The following RERG variants were observed in gnomAD, a reference collection of about 807,000 sequenced individuals.
RERG encodes RAS like estrogen regulated growth inhibitor.
Under a neutral mutation model 23.2 loss-of-function variants are expected in RERG, and 25 were observed. That is an observed-to-expected ratio of 1.08 (90% CI 0.79 to 1.50). The LOEUF is 1.50. Among genes scored for constraint, RERG ranks in the 40% most tolerant of loss-of-function variants. The pLI, the probability that RERG is intolerant of heterozygous loss-of-function variation, is 0.00. For missense variants in RERG, 253 were observed against 250.1 expected (o/e 1.01, Z -0.08); for synonymous variants, 81 against 89.1 (o/e 0.91, Z 0.51).
intron 2 of RERG, chr12:15,154,140 G>A (rs1281535866): frequency 6.6e-6 from 1 of 152,208 alleles, no homozygotes; most frequent in Non-Finnish European, 1.5e-5. Context: ...GTAAATTTCT[G>A]TTGTTTAAGC....
At position 15,197,111 on chromosome 12, in the gene RERG, A is replaced by G. The variant is rs576881874; in HGVS notation, c.61+20318T>C. Among the ~76,000 whole-genome samples the G allele has an allele frequency of 1.2e-4, 19 of 152,282 alleles. No individual in the cohort carries two copies. In the East Asian group the frequency reaches 3.3e-3, roughly 26 times the overall value. ...ATCTGAAGCAGTATTTTATTCTCCA[A>G]ATATTTACTGAGCAACTAGAATATG... On this transcript the variant is annotated intron_variant, in intron 2 of 4. Transcript: ENST00000256953.
At chr12:15,176,382 T>C (rs1296276394) in intron 2 of RERG, among the ~76,000 whole-genome samples, 4 of 152,166 alleles carry the variant, frequency 2.6e-5, no homozygotes, top group South Asian at 2.1e-4. Context: ...GGGCTGAATC[T>C]CCCAAGTAAC....
chr12:15,207,830 C>T (rs1384937526), intron 2 of RERG, among the ~76,000 whole-genome samples: 1 of 152,084 alleles, frequency 6.6e-6, no homozygotes, highest in Admixed American at 6.6e-5. Context: ...TTATCATGCT[C>T]TACGTGACAC....
intron 3 of RERG, among the ~76,000 whole-genome samples, chr12:15,117,157 C>T (rs1427587326): frequency 1.0e-3 from 38 of 37,104 alleles, no homozygotes; most frequent in Admixed American, 4.5e-3. Context: ...TTTTTTTTTG[C>T]GAATTTCAAC....
intron 2 of RERG, chr12:15,154,195 T>C (rs1441113455): frequency 6.6e-6 from 1 of 152,226 alleles, no homozygotes; most frequent in Non-Finnish European, 1.5e-5. Context: ...AGCAAACTAG[T>C]ACAGTTATAT....
intron 1 of RERG, among the ~76,000 whole-genome samples, chr12:15,220,792 C>T (rs575055919): frequency 9.2e-5 from 14 of 152,282 alleles, no homozygotes; most frequent in South Asian, 4.1e-4. Context: ...TCAAGTTTTC[C>T]TGGTCTCATT....
chr12:15,206,566 A>G (rs1407974126), intron 2 of RERG, among the ~76,000 whole-genome samples: 2 of 152,132 alleles, frequency 1.3e-5, no homozygotes, highest in African/African-American at 4.8e-5. Context: ...AGAAATACAA[A>G]TTCTCTGGCT....
chr12:15,124,343 A>G (rs1863897444), intron 2 of RERG, among the ~76,000 whole-genome samples: 1 of 152,108 alleles, frequency 6.6e-6, no homozygotes, highest in South Asian at 2.1e-4. Flanking sequence ...ATATTTTAAA[A>G]TGAAAATTAA....
chr12:15,162,544 A>C (rs1195144406), intron 2 of RERG, among the ~76,000 whole-genome samples: 3 of 152,202 alleles, frequency 2.0e-5, no homozygotes, highest in Non-Finnish European at 4.4e-5. Context: ...CCCATTATAC[A>C]TAAGCATTAT....
At chr12:15,194,409 C>T (rs1865114296) in intron 2 of RERG, among the ~76,000 whole-genome samples, 1 of 151,966 alleles carries the variant, frequency 6.6e-6, no homozygotes, top group South Asian at 2.1e-4. Context: ...AAAATATATA[C>T]ACTCTCCCCT....
intron 2 of RERG, among the ~76,000 whole-genome samples, chr12:15,151,150 G>T (rs1455991384): frequency 6.6e-6 from 1 of 152,094 alleles, no homozygotes; most frequent in African/African-American, 2.4e-5. Flanking sequence ...GACTATGGGT[G>T]ATTTTTTTCC....
intron 3 of RERG, among the ~76,000 whole-genome samples, chr12:15,119,351 T>G (rs1186980335): frequency 2.0e-5 from 3 of 152,168 alleles, no homozygotes; most frequent in Admixed American, 2.0e-4. Flanking sequence ...TAATTAAGAA[T>G]AATAAGATTA....
intron 2 of RERG, among the ~76,000 whole-genome samples, chr12:15,142,294 C>T (rs1864251024): frequency 6.6e-6 from 1 of 152,144 alleles, no homozygotes; most frequent in South Asian, 2.1e-4. Context: ...AACACAAATG[C>T]CACAGGAATA....
chr12:15,212,042 C>CTTTTTTTTTTT lies in RERG; in HGVS notation c.61+5376_61+5386dup, dbSNP rs772353150. Among the ~76,000 whole-genome samples, 79 of 64,716 alleles carry CTTTTTTTTTTT rather than the reference C, an allele frequency of 1.2e-3. 8 individuals are homozygous for CTTTTTTTTTTT. Among genetic ancestry groups the CTTTTTTTTTTT allele is most frequent in the African/African-American group, 2.5e-3 (44 of 17,338 alleles). 42.5% of individuals were successfully genotyped at this position (64,716 alleles called of 152,430 possible). Reference sequence around the variant, plus strand: ...ATGTGATATTAGAGCCACGAATAAACTTTTTTTTTTTTTTTTTTTTTTTTT... The same window carrying CTTTTTTTTTTT: ...ATGTGATATTAGAGCCACGAATAAACTTTTTTTTTTTTTTTTTTTTTTTTTTTTTTTTTTTT... On this transcript the variant is annotated intron_variant, in intron 2 of 4. Transcript: ENST00000256953.
At chr12:15,181,619 G>T (rs1287272218) in intron 2 of RERG, among the ~76,000 whole-genome samples, 1 of 152,172 alleles carries the variant, frequency 6.6e-6, no homozygotes, top group Non-Finnish European at 1.5e-5. Flanking sequence ...ATTGTTATGA[G>T]AATTAATTAC....
intron 3 of RERG, among the ~76,000 whole-genome samples, chr12:15,118,678 G>A (rs1467533766): frequency 1.4e-5 from 2 of 144,494 alleles, no homozygotes. Context: ...AGTTCTAGTG[G>A]GATCTGGTTG....
chr12:15,109,321 G>C lies in RERG; in HGVS notation c.389C>G (p.Thr130Arg). The C allele has an allele frequency of 6.2e-7, 1 of 1,614,142 alleles. No homozygotes were observed. Among genetic ancestry groups the C allele is most frequent in the South Asian group, 1.1e-5 (1 of 91,076 alleles). The change falls in exon 5 of 5, where the codon ACA (threonine) becomes AGA (arginine). Residue 130 changes from threonine (T) to arginine (R), a missense_variant. By Grantham distance (71) the Thr-to-Arg change is moderately conservative. Coordinates refer to ENST00000256953, the MANE Select transcript of RERG (RefSeq NM_032918.3). ...ADLDHSRQVS[T>R]EEGEKLATEL... ...TGTGGCCAGCTTCTCTCCTTCTTCT[G>C]TGCTAACCTGCCTGGAGTGGTCCAA...
intron 2 of RERG, among the ~76,000 whole-genome samples, chr12:15,215,080 C>T (rs777223491): frequency 6.6e-6 from 1 of 152,070 alleles, no homozygotes; most frequent in Non-Finnish European, 1.5e-5. Context: ...GTCATTTTCA[C>T]CTAAATGAAA....
chr12:15,109,331 G>T lies in RERG; in HGVS notation c.379C>A (p.Gln127Lys), dbSNP rs1480889778. ...TTCTCTCCTTCTTCTGTGCTAACCT[G>T]CCTGGAGTGGTCCAAGTCAGCTTTG... ...GNKADLDHSR[Q>K]VSTEEGEKLA... The change falls in exon 5 of 5, where the codon CAG becomes AAG. Residue 127 changes from glutamine to lysine, a missense_variant. Gln to Lys is a moderately conservative substitution (Grantham distance 53). Coordinates refer to ENST00000256953, the MANE Select transcript of RERG (RefSeq NM_032918.3). 1.2e-6 allele frequency: 2 copies of T among 1,613,974 alleles called. No homozygotes were observed. Among genetic ancestry groups the T allele is most frequent in the African/African-American group, 2.7e-5 (2 of 74,910 alleles).
Sources: gnomAD v4.1 joint callset for allele counts (sites outside exome capture counted in the v4.1 genomes callset) on GRCh38, gnomAD v4.1.1 for gene constraint, MANE v1.5 for transcripts, NCBI Gene and HGNC (gene_info 2026-07-23, HGNC 2026-07-21) for gene names.